The following TLN1 variants were observed in gnomAD, a reference collection of about 807,000 sequenced individuals.
TLN1 encodes talin 1, also known as talin-1.
A neutral mutation model predicts 292.3 loss-of-function variants in TLN1; 56 were observed. The observed-to-expected ratio is 0.19, with a 90% CI of 0.15 to 0.24. The LOEUF is 0.24. TLN1 is among the 10% of genes least tolerant of loss of function. The probability of loss-of-function intolerance (pLI) is 1.00; values close to 1 mark genes in which losing one functional copy is unlikely to be tolerated. For missense variants in TLN1, 2,433 were observed against 3,248.2 expected (o/e 0.75, Z 6.10); for synonymous variants, 1,119 against 1,253.7 (o/e 0.89, Z 2.27).
At chr9:35,716,214 C>T (rs2737272) in intron 20 of TLN1, among the ~76,000 whole-genome samples, 176 bp downstream of exon 20, 1 of 150,398 alleles carries the variant, frequency 6.6e-6, no homozygotes, top group South Asian at 2.1e-4. Context: ...AAAAAAAAGC[C>T]TGGGTCATGG....
Position 35,704,682 on chromosome 9 carries a change from C to T in TLN1, c.5867G>A (p.Arg1956Lys), listed in dbSNP as rs1172030566. 1 of 1,614,108 alleles carries T rather than the reference C, an allele frequency of 6.2e-7. No individual in the cohort carries two copies. Among genetic ancestry groups the T allele is most frequent in the Non-Finnish European group, 8.5e-7 (1 of 1,180,034 alleles). ...TKKELIECAR[R>K]VSEKVSHVLA... is the part of the protein sequence containing the mutation. The stretch of plus-strand genomic sequence containing the variant: ...GAGCACCGTCACCTTCTCAGAGACT[C>T]TCCGGGCACACTCTATGAGCTCCTT... The change falls in exon 44 of 57, where the codon AGA (arginine) becomes AAA (lysine). Residue 1956 changes from arginine to lysine, a missense_variant. Transcript: ENST00000314888. This position sits in a 1 kb window ranked among gnomAD's most constrained non-coding sequence, Gnocchi z 6.9.
chr9:35,699,867 G>A lies in TLN1; in HGVS notation c.6768+107C>T. On this transcript the variant is annotated intron_variant, in intron 50 of 56. Coordinates refer to ENST00000314888, the MANE Select transcript of TLN1 (RefSeq NM_006289.4). The surrounding 1 kb of genome is among the most constrained non-coding windows in gnomAD (Gnocchi z 4.0). ...ACAGATTTGGGAAGTAGAGGGTGGG[G>A]TAGGGAGGAGATCTGAGCAAAACAG... is the stretch of plus-strand genomic sequence containing the variant. 2 of 1,205,382 alleles carry A rather than the reference G, an allele frequency of 1.7e-6. No individual in the cohort carries two copies. The highest frequency in any genetic ancestry group is 2.3e-6 in the Non-Finnish European group (2 of 866,566). The allele number at this position is 1,205,382 out of a possible 1,614,324, so 74.7% of individuals were successfully genotyped here.
chr9:35,719,007 T>C lies in TLN1; in HGVS notation c.1896+67A>G. Reference sequence around the variant, plus strand: ...GGGACCCAGGCTTCCATCCTGTGGCTTGGACTGCCCCTTCTCCTTGGGCTT... The same window carrying C: ...GGGACCCAGGCTTCCATCCTGTGGCCTGGACTGCCCCTTCTCCTTGGGCTT... On this transcript the variant is annotated intron_variant, in intron 16 of 56. Coordinates refer to ENST00000314888, the MANE Select transcript of TLN1 (RefSeq NM_006289.4). This position sits in a 1 kb window ranked among gnomAD's most constrained non-coding sequence, Gnocchi z 4.6. The C allele has an allele frequency of 1.9e-6, 3 of 1,597,516 alleles. No individual in the cohort carries two copies. The East Asian group carries it at 6.7e-5, about 36-fold the overall frequency.
At chr9:35,705,518 C>G in intron 43 of TLN1, 33 bp downstream of exon 43, 2 of 1,538,512 alleles carry the variant, frequency 1.3e-6, no homozygotes, top group Non-Finnish European at 1.7e-6. Flanking sequence ...GAACAAGGGG[C>G]AGGGGGCAGG....
chr9:35,724,046 C>T lies in TLN1; in HGVS notation c.688G>A (p.Val230Ile). 1 of 1,613,972 alleles carries T rather than the reference C, an allele frequency of 6.2e-7. No homozygotes were observed. Reference protein sequence around the residue: ...RDDILNGSHPVSFDKACEFAG... With the variant: ...RDDILNGSHPISFDKACEFAG... Reference sequence around the variant, plus strand: ...AACTCACAGGCCTTGTCAAAGGAGACAGGGTGGGAGCCATTCAGGATGTCA... The same window carrying T: ...AACTCACAGGCCTTGTCAAAGGAGATAGGGTGGGAGCCATTCAGGATGTCA... Residue 230 changes from valine (V) to isoleucine (I), a missense_variant, in exon 7 of 57, where the codon GTC becomes ATC. This residue lies in a region of TLN1 where 78 missense variants were observed against 88.8 expected (regional missense o/e 0.88). Transcript: ENST00000314888. The surrounding 1 kb of genome is among the most constrained non-coding windows in gnomAD (Gnocchi z 4.7).
Position 35,712,008 on chromosome 9 carries a change from G to A in TLN1, c.3678C>T (p.Asp1226=). ...VGDASKRLLS[D]SLPPSTGTFQ... ...CCACCCCCTACCGTCCTCCTACCGA[G>A]TCACTCAGGAGTCGCTTGCTGGCAT... The change falls in exon 28 of 57, where the codon GAC becomes GAT. Residue 1226 remains aspartate, a synonymous_variant. Transcript: ENST00000314888. The A allele has an allele frequency of 6.2e-7, 1 of 1,613,838 alleles. No homozygotes were observed. Among genetic ancestry groups the A allele is most frequent in the Non-Finnish European group, 8.5e-7 (1 of 1,179,968 alleles).
Position 35,705,574 on chromosome 9 carries a change from C to T in TLN1, c.5710G>A (p.Ala1904Thr), listed in dbSNP as rs1471124291. Residue 1904 changes from alanine to threonine, a missense_variant, in exon 43 of 57, where the codon GCG becomes ACG. Around this residue, in one of 7 missense-constraint regions of TLN1, gnomAD observed 1,384 missense variants for 1,699.6 expected, o/e 0.81. Coordinates refer to ENST00000314888, the MANE Select transcript of TLN1 (RefSeq NM_006289.4). ...GRLASEAKPA[A>T]VAAENEEIGS... is the part of the protein sequence containing the mutation. The stretch of plus-strand genomic sequence containing the variant: ...ACCTCTTCATTTTCAGCAGCCACCG[C>T]TGCAGGCTTGGCCTCCGAGGCCAGA... 1 of 1,600,858 alleles carries T rather than the reference C, an allele frequency of 6.2e-7. No homozygotes were observed. Among genetic ancestry groups the T allele is most frequent in the East Asian group, 2.2e-5 (1 of 44,608 alleles).
In TLN1 at chr9:35,700,059, A is replaced by G; in HGVS notation, c.6683T>C (p.Val2228Ala). Residue 2228 changes from valine to alanine, a missense_variant, in exon 50 of 57, where the codon GTG (valine) becomes GCG (alanine). Around this residue, in one of 7 missense-constraint regions of TLN1, gnomAD observed 1,384 missense variants for 1,699.6 expected, o/e 0.81. Transcript: ENST00000314888. ...ACKEAAYHPE[V>A]APDVRLRALH... ...GGCTCGAAGCCGCACATCAGGGGCCACTTCTGGGTGGTAAGCTGCTTCCTG... is the reference window on the plus strand; with the variant it reads ...GGCTCGAAGCCGCACATCAGGGGCCGCTTCTGGGTGGTAAGCTGCTTCCTG... 6.2e-7 allele frequency: 1 copy of G among 1,612,780 alleles called. No individual in the cohort carries two copies. The highest frequency in any genetic ancestry group is 8.5e-7 in the Non-Finnish European group (1 of 1,179,126).
chr9:35,697,675 G>C lies in TLN1; in HGVS notation c.*116C>G. On this transcript the variant is annotated 3_prime_UTR_variant, in exon 57 of 57. Transcript: ENST00000314888. ...GGGCGGGGCCAGGCCCTGGGGTTTG[G>C]CAGGCACTTTGGGGAGTGCTGGGGT... The C allele has an allele frequency of 6.8e-7, 1 of 1,465,330 alleles. No individual in the cohort carries two copies. The highest frequency in any genetic ancestry group is 9.2e-7 in the Non-Finnish European group (1 of 1,088,148). The allele number at this position is 1,465,330 out of a possible 1,614,324, so 90.8% of individuals were successfully genotyped here.
chr9:35,704,854 G>T lies in TLN1; in HGVS notation c.5734-39C>A, dbSNP rs759463297. On this transcript the variant is annotated intron_variant, in intron 43 of 56. Transcript: ENST00000314888. This position sits in a 1 kb window ranked among gnomAD's most constrained non-coding sequence, Gnocchi z 6.9. ...GAAAGACAGATGGATTTTACAAGGG[G>T]CACTCAGGGTACCTTCACTGTGCTT... is the stretch of plus-strand genomic sequence containing the variant. 4 of 1,601,316 alleles carry T rather than the reference G, an allele frequency of 2.5e-6. No homozygotes were observed. The highest frequency in any genetic ancestry group is 3.4e-6 in the Non-Finnish European group (4 of 1,170,440).
intron 12 of TLN1, 45 bp from the exon 13 acceptor site, chr9:35,720,264 C>A (rs1048970359): frequency 1.3e-6 from 2 of 1,549,492 alleles, no homozygotes; most frequent in Non-Finnish European, 1.7e-6. Context: ...CTCCTCATCT[C>A]TACCCGTCCC....
Position 35,698,649 on chromosome 9 carries a change from C to A in TLN1, c.7156G>T (p.Asp2386Tyr). ...ATGAGGCCCTGGGACCACTGCCCAT[C>A]GTCCAGTGCATTGGCTGGAATGGCA... ...VGAIPANALDDGQWSQGLISA... is the reference protein window; with the variant it reads ...VGAIPANALDYGQWSQGLISA... The change falls in exon 54 of 57, where the codon GAT becomes TAT. Residue 2386 changes from aspartate (D) to tyrosine (Y), a missense_variant. Transcript: ENST00000314888. This position sits in a 1 kb window ranked among gnomAD's most constrained non-coding sequence, Gnocchi z 5.3. 6.2e-7 allele frequency: 1 copy of A among 1,614,188 alleles called. No homozygotes were observed. Among genetic ancestry groups the A allele is most frequent in the South Asian group, 1.1e-5 (1 of 91,082 alleles).
Position 35,713,244 on chromosome 9 carries a change from T to C in TLN1, c.3304A>G (p.Ile1102Val). Residue 1102 changes from isoleucine to valine, a missense_variant, in exon 26 of 57, where the codon ATC (isoleucine) becomes GTC (valine). This residue lies in a region of TLN1 where 1,384 missense variants were observed against 1,699.6 expected (regional missense o/e 0.81). Coordinates refer to ENST00000314888, the MANE Select transcript of TLN1 (RefSeq NM_006289.4). ...GNSTKAVSSA[I>V]AQLLGEVAQG... ...GCAACCTCTCCCAGTAGCTGGGCGATGGCTGAGCTCACGGCTTTGGTGCTG... is the reference window on the plus strand; with the variant it reads ...GCAACCTCTCCCAGTAGCTGGGCGACGGCTGAGCTCACGGCTTTGGTGCTG... The C allele has an allele frequency of 6.2e-7, 1 of 1,600,202 alleles. No individual in the cohort carries two copies. The highest frequency in any genetic ancestry group is 1.7e-5 in the Admixed American group (1 of 59,824).
Position 35,717,416 on chromosome 9 carries a change from G to C in TLN1, c.2188C>G (p.Pro730Ala), listed in dbSNP as rs1825806260. The change falls in exon 19 of 57, where the codon CCT (proline) becomes GCT (alanine). Residue 730 changes from proline (P) to alanine (A), a missense_variant. Physicochemically the swap from Pro to Ala is conservative, Grantham distance 27. Around this residue, in one of 7 missense-constraint regions of TLN1, gnomAD observed 617 missense variants for 770.6 expected, o/e 0.80. Coordinates refer to ENST00000314888, the MANE Select transcript of TLN1 (RefSeq NM_006289.4). This position sits in a 1 kb window ranked among gnomAD's most constrained non-coding sequence, Gnocchi z 4.7. ...TKVVAPTISS[P>A]VCQEQLVEAG... Reference sequence around the variant, plus strand: ...TCCACCAGTTGCTCTTGGCAGACAGGTGAGCTGATTGTAGGTGCCACCACC... The same window carrying C: ...TCCACCAGTTGCTCTTGGCAGACAGCTGAGCTGATTGTAGGTGCCACCACC... 1 of 1,613,704 alleles carries C rather than the reference G, an allele frequency of 6.2e-7. No homozygotes were observed. The highest frequency in any genetic ancestry group is 2.2e-5 in the East Asian group (1 of 44,866).
chr9:35,698,262 C>T lies in TLN1; in HGVS notation c.7371+61G>A, dbSNP rs1238567422. 16 of 1,608,208 alleles carry T rather than the reference C, an allele frequency of 9.9e-6. No individual in the cohort carries two copies. Among genetic ancestry groups the T allele is most frequent in the South Asian group, 2.2e-5 (2 of 90,724 alleles). ...AATTCTCTCATAGAAACATACATCT[C>T]GGGAGTGACAGTTTGAAGCAGTATA... On this transcript the variant is annotated intron_variant, in intron 55 of 56. Coordinates refer to ENST00000314888, the MANE Select transcript of TLN1 (RefSeq NM_006289.4). The surrounding 1 kb of genome is among the most constrained non-coding windows in gnomAD (Gnocchi z 5.3).
chr9:35,717,907 G>A lies in TLN1; in HGVS notation c.1996-121C>T. ...CAATCAAAGGAGAGTGTACGCAGAA[G>A]CAACCAGAACCTACCCCGAGCTACT... On this transcript the variant is annotated intron_variant, in intron 17 of 56. Transcript: ENST00000314888. This position sits in a 1 kb window ranked among gnomAD's most constrained non-coding sequence, Gnocchi z 4.7. 3 of 1,256,546 alleles carry A rather than the reference G, an allele frequency of 2.4e-6. No individual in the cohort carries two copies. The highest frequency in any genetic ancestry group is 2.9e-5 in the South Asian group (2 of 68,586). The allele number at this position is 1,256,546 out of a possible 1,614,324, so 77.8% of individuals were successfully genotyped here.
chr9:35,715,051 A>G lies in TLN1; in HGVS notation c.2754+8T>C. On this transcript the variant is annotated splice_region_variant and intron_variant, in intron 21 of 56. Transcript: ENST00000314888. ...CTCTCTTGCTCCTGGTGAAACTCCC[A>G]GCCTCACCTCCAGGCGCTGCACCAG... The G allele has an allele frequency of 6.2e-7, 1 of 1,612,816 alleles. No individual in the cohort carries two copies. Among genetic ancestry groups the G allele is most frequent in the Non-Finnish European group, 8.5e-7 (1 of 1,180,038 alleles).
chr9:35,731,487 C>G (rs1826078453), intron 1 of TLN1, among the ~76,000 whole-genome samples: 1 of 152,196 alleles, frequency 6.6e-6, no homozygotes, highest in Non-Finnish European at 1.5e-5. Flanking sequence ...TCCTAACTCA[C>G]GCTTTCACTG....
chr9:35,718,967 A>G (rs1825834511), intron 16 of TLN1, 57 bp from the exon 17 acceptor site: 1 of 1,594,668 alleles, frequency 6.3e-7, no homozygotes, highest in East Asian at 2.3e-5. Flanking sequence ...ATGCCTGTGC[A>G]TATCACAGGC....
Sources: gnomAD v4.1 joint callset for allele counts (sites outside exome capture counted in the v4.1 genomes callset) on GRCh38, gnomAD v4.1.1 for gene constraint, gnomAD v4.1.1 regional missense constraint, Gnocchi (gnomAD v3.1) non-coding constraint, MANE v1.5 for transcripts, NCBI Gene and HGNC (gene_info 2026-07-23, HGNC 2026-07-21) for gene names.